The following MIS18A variants were observed in gnomAD, a reference collection of about 807,000 sequenced individuals.
The protein encoded by MIS18A is protein Mis18-alpha.
MIS18A carries 14 observed loss-of-function variants against 25.0 expected under a neutral mutation model. The observed-to-expected ratio is 0.56, with a 90% CI of 0.37 to 0.88. The LOEUF (loss-of-function observed/expected upper bound fraction) is 0.88. MIS18A is among the 40% of genes least tolerant of loss of function. The pLI, the probability that MIS18A is intolerant of heterozygous loss-of-function variation, is 0.00. For missense variants in MIS18A, 292 were observed against 290.8 expected (o/e 1.00, Z -0.03); for synonymous variants, 134 against 118.6 (o/e 1.13, Z -0.84).
the MIS18A span, among the ~76,000 whole-genome samples, chr21:32,230,643 A>G: frequency 6.6e-6 from 1 of 152,234 alleles, no homozygotes; most frequent in African/African-American, 2.4e-5. Context: ...TGGAAAAAGA[A>G]TATTATTTTC....
the MIS18A span, among the ~76,000 whole-genome samples, chr21:32,158,120 T>G: frequency 6.6e-6 from 1 of 152,194 alleles, no homozygotes; most frequent in Non-Finnish European, 1.5e-5. Context: ...ATGACACATA[T>G]AGAAATAGAG....
chr21:32,240,941 C>A, the MIS18A span, among the ~76,000 whole-genome samples: 1 of 152,186 alleles, frequency 6.6e-6, no homozygotes. Context: ...TCATTCATGG[C>A]TCATGTCTGG....
the MIS18A span, among the ~76,000 whole-genome samples, chr21:32,159,271 C>T: frequency 6.6e-6 from 1 of 152,074 alleles, no homozygotes; most frequent in East Asian, 1.9e-4. Context: ...TGTAGTTTGC[C>T]TAGATTGTTT....
chr21:32,187,799 A>T, the MIS18A span, among the ~76,000 whole-genome samples: 1 of 152,058 alleles, frequency 6.6e-6, no homozygotes, highest in African/African-American at 2.4e-5. Context: ...CTGAGGTTTT[A>T]CCCTATTTGC....
At chr21:32,175,783 C>G in the MIS18A span, among the ~76,000 whole-genome samples, 1 of 151,580 alleles carries the variant, frequency 6.6e-6, no homozygotes, top group Non-Finnish European at 1.5e-5. Flanking sequence ...GCACTCCAGC[C>G]CAGGTGATAG....
the MIS18A span, among the ~76,000 whole-genome samples, chr21:32,262,369 T>C: frequency 6.6e-6 from 1 of 152,274 alleles, no homozygotes; most frequent in Non-Finnish European, 1.5e-5. Context: ...AATGGCTACA[T>C]GCTCTTCTTT....
chr21:32,265,066 G>C (rs1029569622), downstream of MIS18A, among the ~76,000 whole-genome samples: 10 of 152,286 alleles, frequency 6.6e-5, no homozygotes, highest in African/African-American at 2.4e-4. Flanking sequence ...TATGAGAATG[G>C]CCGAAGGAGT....
chr21:32,185,412 A>AGGGAGGCCTGTGGTGCTCCCATG, the MIS18A span, among the ~76,000 whole-genome samples: 3 of 152,182 alleles, frequency 2.0e-5, no homozygotes, highest in Non-Finnish European at 4.4e-5. Flanking sequence ...GTGCTCCCAC[A>AGGGAGGCCTGTGGTGCTCCCATG]GGGAGGCCTG....
the MIS18A span, among the ~76,000 whole-genome samples, chr21:32,194,317 C>CAT: frequency 7.4e-5 from 11 of 148,030 alleles, no homozygotes; most frequent in East Asian, 7.8e-4. Context: ...AAAAATATTG[C>CAT]ATATATATAT....
the MIS18A span, among the ~76,000 whole-genome samples, chr21:32,232,865 A>G: frequency 6.6e-6 from 1 of 152,170 alleles, no homozygotes; most frequent in Non-Finnish European, 1.5e-5. Flanking sequence ...ATAATATTAT[A>G]TTGTATACTG....
chr21:32,195,150 C>T, the MIS18A span, among the ~76,000 whole-genome samples: 1 of 152,198 alleles, frequency 6.6e-6, no homozygotes, highest in African/African-American at 2.4e-5. Flanking sequence ...AGATTTGAAT[C>T]TGTCATATGG....
downstream of MIS18A, among the ~76,000 whole-genome samples, chr21:32,265,449 C>T (rs746538046): frequency 5.1e-4 from 78 of 152,320 alleles, no homozygotes; most frequent in Non-Finnish European, 6.9e-4. Flanking sequence ...CTGCTGGCCC[C>T]GGGCAATGGG....
the MIS18A span, among the ~76,000 whole-genome samples, chr21:32,182,664 C>T: frequency 3.9e-3 from 594 of 152,236 alleles, 6 homozygotes; most frequent in East Asian, 0.04. Flanking sequence ...AAGAGATTCA[C>T]ATAAGAACAC....
the MIS18A span, among the ~76,000 whole-genome samples, chr21:32,157,804 T>C: frequency 6.6e-6 from 1 of 152,204 alleles, no homozygotes; most frequent in South Asian, 2.1e-4. Flanking sequence ...TGAGAATTGA[T>C]ACTATGTTTA....
At chr21:32,159,202 C>T in the MIS18A span, among the ~76,000 whole-genome samples, 1 of 152,146 alleles carries the variant, frequency 6.6e-6, no homozygotes, top group Non-Finnish European at 1.5e-5. Flanking sequence ...ACCTTAGGTC[C>T]TAAATTATGA....
At chr21:32,197,278 T>C in the MIS18A span, among the ~76,000 whole-genome samples, 1 of 126,196 alleles carries the variant, frequency 7.9e-6, no homozygotes, top group African/African-American at 3.2e-5. Context: ...TAGTTCCTTA[T>C]GTCATGCTAT....
the MIS18A span, among the ~76,000 whole-genome samples, chr21:32,167,505 A>G: frequency 6.6e-6 from 1 of 152,238 alleles, no homozygotes; most frequent in Admixed American, 6.5e-5. Flanking sequence ...TGAGGTTAAT[A>G]GTAGATTAAA....
chr21:32,233,062 G>A, the MIS18A span, among the ~76,000 whole-genome samples: 1 of 152,188 alleles, frequency 6.6e-6, no homozygotes, highest in African/African-American at 2.4e-5. Flanking sequence ...CTATATTCTG[G>A]GCAAACAAAT....
the MIS18A span, among the ~76,000 whole-genome samples, chr21:32,175,419 A>G: frequency 6.6e-6 from 1 of 152,146 alleles, no homozygotes; most frequent in African/African-American, 2.4e-5. Flanking sequence ...TATTTCTTCA[A>G]GAATAAACCT....
Sources: gnomAD v4.1 joint callset for allele counts (sites outside exome capture counted in the v4.1 genomes callset) on GRCh38, gnomAD v4.1.1 for gene constraint, MANE v1.5 for transcripts, NCBI Gene and HGNC (gene_info 2026-07-23, HGNC 2026-07-21) for gene names.